Variants in HPSE2 observed in about 807,000 individuals in gnomAD.
HPSE2 encodes the protein inactive heparanase-2.
HPSE2 carries 38 observed loss-of-function variants against 60.5 expected under a neutral mutation model. That is an observed-to-expected ratio of 0.63 (90% CI 0.48 to 0.82). The LOEUF (loss-of-function observed/expected upper bound fraction) is 0.82, where lower values mean the gene tolerates loss of function less well. Ranked by LOEUF, HPSE2 falls within the 40% of genes least tolerant of loss-of-function variation. HPSE2 has a pLI of 0.00. For missense variants in HPSE2, 713 were observed against 740.4 expected (o/e 0.96, Z 0.43); for synonymous variants, 295 against 293.2 (o/e 1.01, Z -0.06).
chr10:99,264,236 C>T, the HPSE2 span, among the ~76,000 whole-genome samples: 1 of 151,934 alleles, frequency 6.6e-6, no homozygotes, highest in Non-Finnish European at 1.5e-5. Flanking sequence ...TACAGGTGCC[C>T]ACCACCATGC....
At chr10:99,105,810 G>A (rs1243152262) in intron 3 of HPSE2, among the ~76,000 whole-genome samples, 2 of 151,866 alleles carry the variant, frequency 1.3e-5, no homozygotes, top group Admixed American at 6.6e-5. Flanking sequence ...GTGGTCTGAG[G>A]TAATGATCTA....
the HPSE2 span, among the ~76,000 whole-genome samples, chr10:99,261,270 A>G: frequency 2.9e-4 from 44 of 152,022 alleles, no homozygotes; most frequent in Non-Finnish European, 3.1e-4. Context: ...GCTCCTTGCC[A>G]GGCCGAGCCA....
At position 99,232,085 on chromosome 10, in the gene HPSE2, G is replaced by GA. The variant is rs1849662565; in HGVS notation, c.448+262dup. On this transcript the variant is annotated intron_variant, in intron 2 of 11. Coordinates refer to ENST00000370552, the MANE Select transcript of HPSE2 (RefSeq NM_021828.5). ...GGCAGCTGGGTGAGAACAACCTGGA[G>GA]AACCCCCTTTGCGCAATGAGGTCAG... Among the ~76,000 whole-genome samples the GA allele has an allele frequency of 2.6e-5, 4 of 152,264 alleles. No individual in the cohort carries two copies. In the South Asian group the frequency reaches 8.3e-4, roughly 32 times the overall value.
At chr10:99,075,587 C>A (rs1842928461) in intron 3 of HPSE2, among the ~76,000 whole-genome samples, 1 of 152,068 alleles carries the variant, frequency 6.6e-6, no homozygotes, top group South Asian at 2.1e-4. Context: ...TTATTGATTT[C>A]TATCTGGATG....
intron 2 of HPSE2, among the ~76,000 whole-genome samples, chr10:99,144,866 G>A (rs975889257): frequency 2.6e-5 from 4 of 152,156 alleles, no homozygotes; most frequent in African/African-American, 9.7e-5. Context: ...AAATTCACCT[G>A]CCAGCCAGCC....
At chr10:98,681,410 G>T (rs10786454) in intron 6 of HPSE2, among the ~76,000 whole-genome samples, 7,279 of 152,152 alleles carry the variant, frequency 0.048, 388 homozygotes, top group East Asian at 0.17. Context: ...AACTGGTTTT[G>T]TAATATTTTC....
chr10:99,200,413 T>C (rs1848537240), intron 2 of HPSE2, among the ~76,000 whole-genome samples: 1 of 152,090 alleles, frequency 6.6e-6, no homozygotes, highest in African/African-American at 2.4e-5. Flanking sequence ...GCTGAAGAGG[T>C]ACCTGGAAGT....
intron 2 of HPSE2, among the ~76,000 whole-genome samples, chr10:99,159,794 G>GA (rs1056643536): frequency 1.3e-5 from 2 of 152,094 alleles, no homozygotes; most frequent in African/African-American, 2.4e-5. Context: ...ATTCAAAATA[G>GA]AAAAATAATA....
intron 3 of HPSE2, among the ~76,000 whole-genome samples, chr10:98,800,642 C>T (rs559108765): frequency 3.3e-4 from 50 of 151,748 alleles, no homozygotes; most frequent in African/African-American, 1.2e-3. Flanking sequence ...AGACAAATTC[C>T]TAGACACATA....
At chr10:99,065,168 T>G (rs571036597) in intron 3 of HPSE2, among the ~76,000 whole-genome samples, 35 of 152,342 alleles carry the variant, frequency 2.3e-4, no homozygotes, top group Non-Finnish European at 4.0e-4. Context: ...TGTGATATTC[T>G]TTCCATTTTC....
At chr10:99,298,779 A>G in the HPSE2 span, among the ~76,000 whole-genome samples, 187 of 151,212 alleles carry the variant, frequency 1.2e-3, no homozygotes, top group Non-Finnish European at 2.2e-3. Context: ...GGTTCGAGAG[A>G]TTCTCCTGCC....
intron 6 of HPSE2, among the ~76,000 whole-genome samples, chr10:98,676,861 T>A (rs761541128): frequency 6.6e-6 from 1 of 152,216 alleles, no homozygotes; most frequent in Non-Finnish European, 1.5e-5. Flanking sequence ...AATCACTCTT[T>A]TTGCTTCTTT....
chr10:99,179,023 T>A (rs549648469), intron 2 of HPSE2, among the ~76,000 whole-genome samples: 7 of 152,168 alleles, frequency 4.6e-5, no homozygotes, highest in South Asian at 2.1e-4. Context: ...AAAAACCACA[T>A]AATTATCTCA....
chr10:98,865,480 A>G (rs1204269454), intron 3 of HPSE2, among the ~76,000 whole-genome samples: 1 of 152,092 alleles, frequency 6.6e-6, no homozygotes, highest in East Asian at 1.9e-4. Flanking sequence ...CTGCATTGAG[A>G]GAGTTTACAA....
chr10:99,304,677 A>T, the HPSE2 span, among the ~76,000 whole-genome samples: 1 of 152,252 alleles, frequency 6.6e-6, no homozygotes, highest in African/African-American at 2.4e-5. Flanking sequence ...GTAAGGGTCT[A>T]AAGTGCTTTC....
At chr10:99,286,284 A>T in the HPSE2 span, among the ~76,000 whole-genome samples, 1 of 152,256 alleles carries the variant, frequency 6.6e-6, no homozygotes, top group African/African-American at 2.4e-5. Flanking sequence ...CCACAGCAGC[A>T]TTATTCACAA....
Position 98,468,256 on chromosome 10 carries a change from G to A in HPSE2, c.1614-8517C>T, listed in dbSNP as rs930142837. 3.3e-5 allele frequency among the ~76,000 whole-genome samples: 5 copies of A among 152,174 alleles called. No individual in the cohort carries two copies. In the South Asian group the frequency reaches 1.0e-3, roughly 32 times the overall value. On this transcript the variant is annotated intron_variant, in intron 11 of 11. Transcript: ENST00000370552. The stretch of plus-strand genomic sequence containing the variant: ...TCGTCTGAAATTGCCTTGAGTGATG[G>A]CTACCACGCTGAGGAAGGCTGCTCA...
chr10:99,207,946 G>A (rs2133901133), intron 2 of HPSE2, among the ~76,000 whole-genome samples: 1 of 150,508 alleles, frequency 6.6e-6, no homozygotes, highest in Admixed American at 6.6e-5. Flanking sequence ...TATAAATTAG[G>A]CACAGTAAGA....
At chr10:98,550,133 G>A (rs1197853896) in intron 9 of HPSE2, among the ~76,000 whole-genome samples, 1 of 152,248 alleles carries the variant, frequency 6.6e-6, no homozygotes, top group South Asian at 2.1e-4. Context: ...CTCTCTCTGT[G>A]TTCCAGTCAT....
Sources: gnomAD v4.1 joint callset for allele counts (sites outside exome capture counted in the v4.1 genomes callset) on GRCh38, gnomAD v4.1.1 for gene constraint, MANE v1.5 for transcripts, NCBI Gene and HGNC (gene_info 2026-07-23, HGNC 2026-07-21) for gene names.